The following TRMT2B variants were observed in gnomAD, a reference collection of about 807,000 sequenced individuals.
The protein encoded by TRMT2B is tRNA methyltransferase 2B.
Under a neutral mutation model 39.7 loss-of-function variants are expected in TRMT2B, and 34 were observed. The ratio of observed to expected loss-of-function variants is 0.86; its 90% confidence interval spans 0.65 to 1.14. The LOEUF (loss-of-function observed/expected upper bound fraction) is 1.14, where lower values mean the gene tolerates loss of function less well. Ranked by LOEUF, TRMT2B falls within the 50% of genes most tolerant of loss-of-function variation. TRMT2B has a pLI of 0.00. For missense variants in TRMT2B, 318 were observed against 377.2 expected (o/e 0.84, Z 1.30); for synonymous variants, 132 against 137.3 (o/e 0.96, Z 0.27).
chrX:101,051,198 C>T (rs2089067841), intron 2 of TRMT2B, 53 bp downstream of exon 2: 1 of 695,223 alleles, frequency 1.4e-6, no homozygotes, highest in Non-Finnish European at 1.7e-6. Flanking sequence ...GGCAGGCTAA[C>T]TCTCCTGTGC....
chrX:100,974,665 TAG>T, the TRMT2B span, among the ~76,000 whole-genome samples: 2 of 111,641 alleles, frequency 1.8e-5, no homozygotes, highest in East Asian at 2.8e-4. Flanking sequence ...ACAGCTAATA[TAG>T]AGAGTTGGAG....
chrX:101,021,828 G>A (rs1332182847), intron 9 of TRMT2B, 140 bp downstream of exon 9: 1 of 490,735 alleles, frequency 2.0e-6, no homozygotes, highest in East Asian at 3.5e-5. Context: ...ATTCTGGCCT[G>A]TGTTCCAAGA....
chrX:101,037,253 A>AGGCCGGGCGCGGTGGCTCACGCCTGT, intron 5 of TRMT2B, 180 bp from the exon 6 acceptor site: 1 of 428,869 alleles, frequency 2.3e-6, no homozygotes, highest in Non-Finnish European at 4.1e-6. Context: ...GGGGAGTTCC[A>AGGCCGGGCGCGGTGGCTCACGCCTGT]ATCTTGCCAT....
At chrX:101,005,948 C>A (rs1391228783), downstream of TRMT2B, among the ~76,000 whole-genome samples, 1 of 100,272 alleles carries the variant, frequency 1.0e-5, no homozygotes, top group Non-Finnish European at 2.0e-5. Context: ...GGGCCAGGTG[C>A]GGTGGCTCAC....
chrX:100,990,311 CT>C, the TRMT2B span: 1 of 883,469 alleles, frequency 1.1e-6, no homozygotes, highest in East Asian at 5.7e-5. Context: ...AATAACTGAC[CT>C]TTTTCTCTTT....
rs1005769935 is a variant in TRMT2B at position 101,051,654 on chromosome X, C to T, written c.-427G>A. ...TGGGCCGTACACGACCTTGCGCAGT[C>T]ACCGTCGGGTCCCGTCTCCAGCCCC... On this transcript the variant is annotated 5_prime_UTR_variant, in exon 2 of 14. It removes the in-frame stop codon of an upstream open reading frame in the 5' UTR. Coordinates refer to ENST00000372936, the MANE Select transcript of TRMT2B (RefSeq NM_024917.6). 1 of 753,837 alleles carries T rather than the reference C, an allele frequency of 1.3e-6. No homozygotes were observed. The highest frequency in any genetic ancestry group is 2.3e-5 in the African/African-American group (1 of 43,608). 62.1% of individuals were successfully genotyped at this position (753,837 alleles called of 1,213,427 possible).
intron 13 of TRMT2B, among the ~76,000 whole-genome samples, chrX:101,018,047 A>G (rs755854408): frequency 1.6e-3 from 179 of 111,919 alleles, no homozygotes; most frequent in African/African-American, 5.6e-3. Context: ...CCTGGGCAAC[A>G]TAGTGAGACT....
intron 13 of TRMT2B, among the ~76,000 whole-genome samples, chrX:101,014,868 C>T (rs10126747): frequency 0.48 from 52,672 of 108,821 alleles, 10,887 homozygotes; most frequent in African/African-American, 0.77. Flanking sequence ...GTGAAGTACG[C>T]GGGGAAAGTG....
At chrX:100,986,796 T>A in the TRMT2B span, 1 of 1,187,934 alleles carries the variant, frequency 8.4e-7, no homozygotes, top group Non-Finnish European at 1.1e-6. Context: ...GCTGTTTTAG[T>A]TTAGCAAACA....
chrX:100,986,962 C>T, the TRMT2B span: 4 of 798,043 alleles, frequency 5.0e-6, no homozygotes, highest in Non-Finnish European at 7.2e-6. Flanking sequence ...GCCCTTGGCC[C>T]ATTCTATAGT....
chrX:100,982,315 A>AC, the TRMT2B span, among the ~76,000 whole-genome samples: 7,782 of 109,157 alleles, frequency 0.071, 489 homozygotes, highest in East Asian at 0.45. Flanking sequence ...ACATGGTGAA[A>AC]CCCCCGTCTC....
At chrX:100,987,407 C>T in the TRMT2B span, 1 of 1,210,703 alleles carries the variant, frequency 8.3e-7, no homozygotes, top group African/African-American at 1.7e-5. Context: ...GTTCAGCCAT[C>T]AGAAACCTTG....
At chrX:101,039,590 C>T (rs1027090222) in intron 4 of TRMT2B, among the ~76,000 whole-genome samples, 1 of 111,572 alleles carries the variant, frequency 9.0e-6, no homozygotes, top group Admixed American at 9.6e-5. Context: ...TTGTACATGG[C>T]AAGTGGTTAA....
In TRMT2B at chrX:101,035,593, C is replaced by A. The variant is rs1362713768; in HGVS notation, c.609+20G>T. 1 of 1,201,091 alleles carries A rather than the reference C, an allele frequency of 8.3e-7. No homozygotes were observed. Among genetic ancestry groups the A allele is most frequent in the East Asian group, 3.0e-5 (1 of 33,811 alleles). On this transcript the variant is annotated intron_variant, in intron 7 of 13. Transcript: ENST00000372936. ...TACAATGCTCCAGGCCATTCTCAAC[C>A]AGCTCTTGTTCCATTTTACCTGCGC...
chrX:101,046,110 C>G (rs1474078038), intron 2 of TRMT2B, among the ~76,000 whole-genome samples: 1 of 94,703 alleles, frequency 1.1e-5, no homozygotes, highest in Non-Finnish European at 2.0e-5. Flanking sequence ...CACACCACTG[C>G]ACTCCAGCCT....
At chrX:101,007,279 T>C (rs187383130), downstream of TRMT2B, among the ~76,000 whole-genome samples, 255 of 111,995 alleles carry the variant, frequency 2.3e-3, 2 homozygotes, top group African/African-American at 8.0e-3. Flanking sequence ...CCAATATATC[T>C]AGAGAAATGG....
At chrX:101,001,049 T>C in the TRMT2B span, among the ~76,000 whole-genome samples, 7 of 110,939 alleles carry the variant, frequency 6.3e-5, no homozygotes, top group Non-Finnish European at 1.1e-4. Context: ...TTCTAACAAG[T>C]TTCCAGGTGA....
At chrX:100,998,259 C>CAAAA in the TRMT2B span, among the ~76,000 whole-genome samples, 6 of 48,711 alleles carry the variant, frequency 1.2e-4, no homozygotes, top group African/African-American at 2.9e-4. Flanking sequence ...GACTCCATCT[C>CAAAA]AAAAAAAAAA....
rs145448947 is a variant in TRMT2B at position 101,011,860 on chromosome X, C to T, written c.1389-1153G>A. Among the ~76,000 whole-genome samples the T allele has an allele frequency of 6.3e-3, 703 of 111,576 alleles. 4 individuals are homozygous for T. The highest frequency in any genetic ancestry group is 0.022 in the African/African-American group (681 of 30,726). ...AGTGAGCTGAGATCACACCACTATA[C>T]TCTAGCCTGGGACAGGATCATCAAT... On this transcript the variant is annotated intron_variant, in intron 13 of 13. Coordinates refer to ENST00000372936, the MANE Select transcript of TRMT2B (RefSeq NM_024917.6).
Sources: allele counts gnomAD v4.1 joint callset (sites outside exome capture counted in the v4.1 genomes callset), GRCh38; gene constraint gnomAD v4.1.1; transcripts MANE v1.5; gene names NCBI Gene and HGNC (gene_info 2026-07-23, HGNC 2026-07-21).